CNTLN: variants seen among roughly 807,000 people sequenced by gnomAD.
The protein encoded by CNTLN is centlein, also known as centlein, centrosomal protein.
Under a neutral mutation model 180.0 loss-of-function variants are expected in CNTLN, and 212 were observed. The ratio of observed to expected loss-of-function variants is 1.18; its 90% CI spans 1.05 to 1.32. The LOEUF (loss-of-function observed/expected upper bound fraction) is 1.32. Ranked by LOEUF, CNTLN falls within the 40% of genes most tolerant of loss-of-function variation. The pLI, the probability that CNTLN is intolerant of heterozygous loss-of-function variation, is 0.00. For missense variants in CNTLN, 2,095 were observed against 1,610.9 expected, an observed-to-expected ratio of 1.30 and a Z score of -5.14; for synonymous variants, 722 against 563.1, an observed-to-expected ratio of 1.28 and a Z score of -3.99.
chr9:17,260,693 T>C (rs1826898177), intron 5 of CNTLN, among the ~76,000 whole-genome samples: 1 of 151,488 alleles, frequency 6.6e-6, no homozygotes, highest in Non-Finnish European at 1.5e-5. Flanking sequence ...CTCTTTAGTT[T>C]AATTAGATCC....
At chr9:17,242,115 T>A (rs1009035532) in intron 5 of CNTLN, among the ~76,000 whole-genome samples, 1 of 152,210 alleles carries the variant, frequency 6.6e-6, no homozygotes, top group Admixed American at 6.5e-5. Flanking sequence ...TCTTGTCATG[T>A]TTCAGATTTT....
At chr9:17,174,619 C>T (rs547023043) in intron 2 of CNTLN, among the ~76,000 whole-genome samples, 4 of 151,902 alleles carry the variant, frequency 2.6e-5, no homozygotes, top group African/African-American at 9.7e-5. Context: ...TTGCTTCAAC[C>T]CGGGAGGCGG....
intron 7 of CNTLN, chr9:17,301,166 A>G (rs1392246718): frequency 1.0e-6 from 1 of 985,254 alleles, no homozygotes; most frequent in Non-Finnish European, 1.2e-6. Context: ...ACTTTTCCAA[A>G]TGGACTCTAG....
chr9:17,376,292 CTT>C (rs908039131), intron 13 of CNTLN, among the ~76,000 whole-genome samples: 12 of 151,934 alleles, frequency 7.9e-5, no homozygotes, highest in Admixed American at 3.9e-4. Context: ...AAATTAATGA[CTT>C]TATGTTTTTT....
chr9:17,263,967 C>G (rs1056801924), intron 5 of CNTLN, among the ~76,000 whole-genome samples: 3 of 142,934 alleles, frequency 2.1e-5, no homozygotes, highest in African/African-American at 8.1e-5. Context: ...GAGTAGGTTG[C>G]GAAAATTTTC....
chr9:17,362,182 C>A (rs1372702), intron 12 of CNTLN, among the ~76,000 whole-genome samples: 89,183 of 152,024 alleles, frequency 0.59, 26,463 homozygotes, highest in East Asian at 0.73. Context: ...CAACTGCAGC[C>A]CTACCTTCTG....
intron 2 of CNTLN, among the ~76,000 whole-genome samples, chr9:17,196,385 A>C (rs189389629): frequency 1.3e-5 from 2 of 152,276 alleles, no homozygotes; most frequent in Non-Finnish European, 2.9e-5. Context: ...CTCAGTTTTC[A>C]CATCTTTAAA....
chr9:17,429,629 A>G lies in CNTLN; in HGVS notation c.3114+13440A>G, dbSNP rs563908970. Among the ~76,000 whole-genome samples, 9 of 152,098 alleles carry G rather than the reference A, an allele frequency of 5.9e-5. No homozygotes were observed. The South Asian group carries it at 1.9e-3, about 31-fold the overall frequency. ...TCCATGAGTTAATTGGATAAGAATT[A>G]TTATCCTGTTTTTATGCAGGAAAAA... On this transcript the variant is annotated intron_variant, in intron 18 of 25. Coordinates refer to ENST00000380647, the MANE Select transcript of CNTLN (RefSeq NM_017738.4).
Position 17,259,470 on chromosome 9 carries a change from C to T in CNTLN, c.850-14263C>T, listed in dbSNP as rs561988184. ...TTGTATCTCTGCCCGGCTTTGGTAT[C>T]AGAATGATGCTGGCCTCATAAAATG... On this transcript the variant is annotated intron_variant, in intron 5 of 25. Transcript: ENST00000380647. Among the ~76,000 whole-genome samples, 339 of 148,334 alleles carry T rather than the reference C, an allele frequency of 2.3e-3. 11 individuals carry two copies. Among genetic ancestry groups the T allele is most frequent in the African/African-American group, 8.2e-3 (318 of 38,634 alleles).
At chr9:17,397,776 TATC>T (rs1001825303) in intron 15 of CNTLN, among the ~76,000 whole-genome samples, 226 of 152,244 alleles carry the variant, frequency 1.5e-3, no homozygotes, top group African/African-American at 5.1e-3. Context: ...TTGAGAGACA[TATC>T]ATACAATATC....
At chr9:17,284,008 T>C (rs538647006) in intron 6 of CNTLN, among the ~76,000 whole-genome samples, 3 of 145,056 alleles carry the variant, frequency 2.1e-5, no homozygotes, top group East Asian at 2.1e-4. Context: ...CAGTATTTTA[T>C]TGAGGATTTT....
rs771306897 is a variant in CNTLN, at chr9:17,388,158, C to T, written c.1988-4C>T. ...ATCATAATATATTATTTATTCTCTA[C>T]CAGAACAGCTCTTTAGATCTGGTGA... On this transcript the variant is annotated splice_region_variant and splice_polypyrimidine_tract_variant and intron_variant, in intron 13 of 25. Coordinates refer to ENST00000380647, the MANE Select transcript of CNTLN (RefSeq NM_017738.4). The T allele has an allele frequency of 1.9e-6, 3 of 1,592,374 alleles. No homozygotes were observed. The highest frequency in any genetic ancestry group is 2.2e-5 in the South Asian group (2 of 89,856).
intron 6 of CNTLN, among the ~76,000 whole-genome samples, chr9:17,274,703 A>C (rs1828197939): frequency 6.6e-6 from 1 of 152,134 alleles, no homozygotes; most frequent in South Asian, 2.1e-4. Flanking sequence ...AATGATGGAT[A>C]CATCACTGCC....
chr9:17,228,273 C>G (rs1824599163), intron 3 of CNTLN, among the ~76,000 whole-genome samples: 1 of 151,998 alleles, frequency 6.6e-6, no homozygotes, highest in Non-Finnish European at 1.5e-5. Context: ...TTGTCTACTT[C>G]TGCATCCTTG....
At chr9:17,277,817 G>C (rs1303524463) in intron 6 of CNTLN, among the ~76,000 whole-genome samples, 1 of 152,096 alleles carries the variant, frequency 6.6e-6, no homozygotes, top group African/African-American at 2.4e-5. Context: ...CCTCTATTCA[G>C]AGAATTCTAC....
At chr9:17,402,092 A>C (rs1157295700) in intron 15 of CNTLN, among the ~76,000 whole-genome samples, 1 of 151,838 alleles carries the variant, frequency 6.6e-6, no homozygotes, top group Non-Finnish European at 1.5e-5. Context: ...ATGCCTGACA[A>C]GCATGACAAG....
chr9:17,462,921 T>C lies in CNTLN; in HGVS notation c.3312T>C (p.Ala1104=). Residue 1104 remains alanine, a synonymous_variant, in exon 20 of 26, where the codon GCT becomes GCC. Coordinates refer to ENST00000380647, the MANE Select transcript of CNTLN (RefSeq NM_017738.4). The part of the protein sequence containing the change: ...MKQLQYKLKN[A]TNELTKQSSN... ...TATTTCTATTTTTAATCTAGAATGC[T>C]ACTAATGAACTCACTAAACAGTCAT... is the stretch of plus-strand genomic sequence containing the variant. The C allele has an allele frequency of 6.6e-7, 1 of 1,520,686 alleles. No individual in the cohort carries two copies. Among genetic ancestry groups the C allele is most frequent in the Non-Finnish European group, 8.8e-7 (1 of 1,132,450 alleles). The allele number at this position is 1,520,686 out of a possible 1,614,324, so 94.2% of individuals were successfully genotyped here. A position where few individuals can be genotyped will look rare whatever the true frequency, so the allele number is the denominator to read the frequency against.
At chr9:17,516,246 C>A in the CNTLN span, among the ~76,000 whole-genome samples, 55 of 152,200 alleles carry the variant, frequency 3.6e-4, no homozygotes, top group Admixed American at 3.0e-3. Flanking sequence ...CTTAGTGGTA[C>A]CATGTTGCAC....
At chr9:17,496,501 A>C (rs1255480842) in intron 25 of CNTLN, among the ~76,000 whole-genome samples, 2 of 152,038 alleles carry the variant, frequency 1.3e-5, no homozygotes, top group Non-Finnish European at 2.9e-5. Flanking sequence ...TGACCTAATT[A>C]CCTCCCGAAG....
Sources: gnomAD v4.1 joint callset for allele counts (sites outside exome capture counted in the v4.1 genomes callset) on GRCh38, gnomAD v4.1.1 for gene constraint, MANE v1.5 for transcripts, NCBI Gene and HGNC (gene_info 2026-07-23, HGNC 2026-07-21) for gene names.